Variants in SELENOI observed in about 807,000 individuals in gnomAD.
SELENOI encodes ethanolaminephosphotransferase 1.
A neutral mutation model predicts 50.7 loss-of-function variants in SELENOI; 24 were observed. The ratio of observed to expected loss-of-function variants is 0.47; its 90% CI spans 0.34 to 0.67. The LOEUF (loss-of-function observed/expected upper bound fraction) is 0.67, where lower values mean the gene tolerates loss of function less well. Among genes scored for constraint, SELENOI ranks in the 30% least tolerant of loss-of-function variants. The pLI is 0.01. For synonymous variants in SELENOI, 155 were observed against 170.2 expected, an observed-to-expected ratio of 0.91 and a Z score of 0.70; for missense variants, 352 against 461.4, an observed-to-expected ratio of 0.76 and a Z score of 2.17.
At position 26,357,377 on chromosome 2, in the gene SELENOI, G is replaced by A. The variant is rs565914991; in HGVS notation, c.58-6925G>A. Among the ~76,000 whole-genome samples, 3 of 152,252 alleles carry A rather than the reference G, an allele frequency of 2.0e-5. No homozygotes were observed. The South Asian group carries it at 6.2e-4, about 32-fold the overall frequency. On this transcript the variant is annotated intron_variant, in intron 1 of 9. Transcript: ENST00000260585. ...ACCACTCTGACTAGGCACACTTCCT[G>A]CTCCACTTGTTCTCTTCTTTTTTGG...
rs549470613 is a variant in SELENOI, at chr2:26,391,622, T to C, written c.*2519T>C. On this transcript the variant is annotated 3_prime_UTR_variant, in exon 10 of 10. Transcript: ENST00000260585. Reference sequence around the variant, plus strand: ...GTGCATGTTTTCCGTACTTTCAGAATAGAGTGCCTTAGCTAGGCCAGAGGC... The same window carrying C: ...GTGCATGTTTTCCGTACTTTCAGAACAGAGTGCCTTAGCTAGGCCAGAGGC... 4 of 152,302 alleles carry C rather than the reference T, an allele frequency of 2.6e-5. No homozygotes were observed. Among genetic ancestry groups the C allele is most frequent in the South Asian group, 2.1e-4 (1 of 4,826 alleles). The allele number at this position is 152,302 out of a possible 1,614,324, so 9.4% of individuals were successfully genotyped here.
At position 26,385,031 on chromosome 2, in the gene SELENOI, G is replaced by C. The variant is rs372068475; in HGVS notation, c.804G>C (p.Leu268Phe). The C allele has an allele frequency of 7.0e-5, 113 of 1,612,930 alleles. No individual in the cohort carries two copies. Among genetic ancestry groups the C allele is most frequent in the South Asian group, 8.8e-5 (8 of 90,990 alleles). Residue 268 changes from leucine (L) to phenylalanine (F), a missense_variant, in exon 8 of 10, where the codon TTG becomes TTC. Physicochemically the swap from Leu to Phe is conservative, Grantham distance 22. Coordinates refer to ENST00000260585, the MANE Select transcript of SELENOI (RefSeq NM_033505.4). ...TGGTTCCCTTATTTTCTCCATGCTT[G>C]CTGTTCATTTTGTCTACAGCGTGGA... ...EAMVPLFSPC[L>F]LFILSTAWIL...
chr2:26,371,261 G>A (rs530117045), intron 4 of SELENOI, among the ~76,000 whole-genome samples: 100 of 151,698 alleles, frequency 6.6e-4, no homozygotes, highest in Middle Eastern at 3.4e-3. Flanking sequence ...CTTCTCAGAC[G>A]GGGTGGCCGG....
intron 1 of SELENOI, among the ~76,000 whole-genome samples, chr2:26,350,125 T>G (rs1676925590): frequency 6.6e-6 from 1 of 151,320 alleles, no homozygotes; most frequent in Non-Finnish European, 1.5e-5. Context: ...AAAGTGTGTG[T>G]GTATAAATAT....
intron 6 of SELENOI, among the ~76,000 whole-genome samples, chr2:26,382,953 C>G (rs1000346234): frequency 6.6e-6 from 1 of 152,138 alleles, no homozygotes; most frequent in African/African-American, 2.4e-5. Context: ...TGTCATAACT[C>G]ATTCACTTCT....
At chr2:26,370,388 G>A (rs1355344306) in intron 4 of SELENOI, among the ~76,000 whole-genome samples, 2 of 151,966 alleles carry the variant, frequency 1.3e-5, no homozygotes, top group South Asian at 2.1e-4. Context: ...CCTCCCAGAC[G>A]GGGTGGTGGC....
At chr2:26,347,305 A>G (rs1052749826) in intron 1 of SELENOI, among the ~76,000 whole-genome samples, 3 of 152,116 alleles carry the variant, frequency 2.0e-5, no homozygotes, top group African/African-American at 4.8e-5. Context: ...ATAATGCCCA[A>G]CTCATTAGAG....
chr2:26,359,723 T>A (rs1285153670), intron 1 of SELENOI, among the ~76,000 whole-genome samples: 1 of 152,158 alleles, frequency 6.6e-6, no homozygotes, highest in African/African-American at 2.4e-5. Context: ...GGGGAGGATT[T>A]TGTTAGTGTA....
intron 4 of SELENOI, among the ~76,000 whole-genome samples, 169 bp from the exon 5 acceptor site, chr2:26,373,196 CTT>C (rs1043819577): frequency 5.9e-5 from 9 of 152,166 alleles, no homozygotes; most frequent in Admixed American, 3.9e-4. Context: ...GCCCTAAACT[CTT>C]TGAAGTGTAG....
chr2:26,350,609 A>C (rs141910811), intron 1 of SELENOI, among the ~76,000 whole-genome samples: 1,862 of 152,328 alleles, frequency 0.012, 25 homozygotes, highest in Non-Finnish European at 0.02. Flanking sequence ...AATTAAGCTA[A>C]GTTGAAATTC....
At chr2:26,377,447 T>C (rs1238304814) in intron 6 of SELENOI, among the ~76,000 whole-genome samples, 2 of 151,974 alleles carry the variant, frequency 1.3e-5, no homozygotes, top group Non-Finnish European at 2.9e-5. Flanking sequence ...CTGGGTAACA[T>C]AGTGGGATCA....
At chr2:26,360,702 G>T (rs1677155842) in intron 1 of SELENOI, among the ~76,000 whole-genome samples, 1 of 152,106 alleles carries the variant, frequency 6.6e-6, no homozygotes, top group East Asian at 1.9e-4. Flanking sequence ...CATTTTATTT[G>T]CCCCGCTGGC....
At chr2:26,386,187 G>A (rs919502893) in intron 8 of SELENOI, among the ~76,000 whole-genome samples, 167 bp from the exon 9 acceptor site, 3 of 152,128 alleles carry the variant, frequency 2.0e-5, no homozygotes, top group Non-Finnish European at 1.5e-5. Context: ...CAGGGCCAGG[G>A]GTCCAGTTGG....
At chr2:26,357,706 A>T (rs1389305559) in intron 1 of SELENOI, among the ~76,000 whole-genome samples, 1 of 152,124 alleles carries the variant, frequency 6.6e-6, no homozygotes. Context: ...CTTCTTACAT[A>T]ATACTCGGAT....
intron 1 of SELENOI, among the ~76,000 whole-genome samples, chr2:26,362,537 G>T (rs1021288506): frequency 7.4e-6 from 1 of 134,694 alleles, no homozygotes; most frequent in Admixed American, 6.9e-5. Context: ...GAGGCAGGTG[G>T]GTCACCTGAG....
chr2:26,360,802 A>G (rs1448702121), intron 1 of SELENOI, among the ~76,000 whole-genome samples: 1 of 151,808 alleles, frequency 6.6e-6, no homozygotes, highest in African/African-American at 2.4e-5. Context: ...AGGGGTTCAT[A>G]TTGGTTCCTG....
At chr2:26,377,086 T>A (rs917693996) in intron 6 of SELENOI, among the ~76,000 whole-genome samples, 1 of 152,218 alleles carries the variant, frequency 6.6e-6, no homozygotes, top group African/African-American at 2.4e-5. Flanking sequence ...TCAGTCACAG[T>A]TTCACTTCTT....
chr2:26,362,050 C>T (rs1677189633), intron 1 of SELENOI, among the ~76,000 whole-genome samples: 1 of 152,168 alleles, frequency 6.6e-6, no homozygotes, highest in Non-Finnish European at 1.5e-5. Context: ...GAACCTCAGA[C>T]ATGGAGTCTG....
Position 26,393,318 on chromosome 2 carries a change from G to C in SELENOI, c.*4215G>C, listed in dbSNP as rs1487479765. 6.6e-6 allele frequency: 1 copy of C among 152,594 alleles called. No individual in the cohort carries two copies. Among genetic ancestry groups the C allele is most frequent in the Non-Finnish European group, 1.5e-5 (1 of 68,034 alleles). The allele number at this position is 152,594 out of a possible 1,614,324, so 9.5% of individuals were successfully genotyped here. On this transcript the variant is annotated 3_prime_UTR_variant, in exon 10 of 10. Transcript: ENST00000260585. ...GTGCAGAATAAATGTAACTTTTTAAGCCTGCATGCTAGTAATATGCTTTGC... is the reference window on the plus strand; with the variant it reads ...GTGCAGAATAAATGTAACTTTTTAACCCTGCATGCTAGTAATATGCTTTGC...
Sources: gnomAD v4.1 joint callset for allele counts (sites outside exome capture counted in the v4.1 genomes callset) on GRCh38, gnomAD v4.1.1 for gene constraint, MANE v1.5 for transcripts, NCBI Gene and HGNC (gene_info 2026-07-23, HGNC 2026-07-21) for gene names.